FAM124A: variants seen among roughly 807,000 people sequenced by gnomAD.
FAM124A encodes protein FAM124A.
FAM124A carries 23 observed loss-of-function variants against 24.5 expected under a neutral mutation model. The ratio of observed to expected loss-of-function variants is 0.94; its 90% CI spans 0.68 to 1.33. The LOEUF (loss-of-function observed/expected upper bound fraction) is 1.33. FAM124A is among the 40% of genes most tolerant of loss of function. The pLI is 0.00. For missense variants in FAM124A, 623 were observed against 722.8 expected, an observed-to-expected ratio of 0.86 and a Z score of 1.58; for synonymous variants, 287 against 314.7, an observed-to-expected ratio of 0.91 and a Z score of 0.93.
intron 3 of FAM124A, among the ~76,000 whole-genome samples, chr13:51,257,906 T>C (rs1439380760): frequency 6.6e-6 from 1 of 152,244 alleles, no homozygotes; most frequent in Non-Finnish European, 1.5e-5. Context: ...TGTCTTGGTT[T>C]TAACATAGTA....
chr13:51,250,330 T>C (rs536237562), intron 2 of FAM124A, among the ~76,000 whole-genome samples: 1 of 152,340 alleles, frequency 6.6e-6, no homozygotes, highest in Non-Finnish European at 1.5e-5. Context: ...TAAAGGCAGA[T>C]CTAGATTCTA....
At chr13:51,253,270 A>T (rs1323042673) in intron 3 of FAM124A, 1 of 152,332 alleles carries the variant, frequency 6.6e-6, no homozygotes, top group East Asian at 1.9e-4. Flanking sequence ...CCAGAACTAT[A>T]ATCCACATAT....
intron 3 of FAM124A, among the ~76,000 whole-genome samples, chr13:51,277,664 C>T (rs998196973): frequency 2.6e-5 from 4 of 152,030 alleles, no homozygotes; most frequent in African/African-American, 4.8e-5. Flanking sequence ...TGTGGTGGCA[C>T]GTGCCTGTGG....
At chr13:51,249,259 C>G (rs1241434923) in intron 2 of FAM124A, among the ~76,000 whole-genome samples, 2 of 152,180 alleles carry the variant, frequency 1.3e-5, no homozygotes, top group Non-Finnish European at 2.9e-5. Context: ...AGCCCTCCTT[C>G]TTTTGTCATA....
intron 3 of FAM124A, among the ~76,000 whole-genome samples, chr13:51,256,107 CCTGCT>C (rs879583793): frequency 7.2e-5 from 11 of 152,318 alleles, no homozygotes; most frequent in African/African-American, 1.9e-4. Flanking sequence ...CTTTTGGAGG[CCTGCT>C]ACAGGAGTGC....
At chr13:51,269,429 C>T (rs1432455947) in intron 3 of FAM124A, among the ~76,000 whole-genome samples, 1 of 152,086 alleles carries the variant, frequency 6.6e-6, no homozygotes, top group African/African-American at 2.4e-5. Context: ...TAGATTTGTA[C>T]TTTTAAGTTG....
intron 2 of FAM124A, among the ~76,000 whole-genome samples, chr13:51,243,194 C>G (rs983052791): frequency 2.0e-5 from 3 of 152,156 alleles, no homozygotes; most frequent in African/African-American, 7.2e-5. Flanking sequence ...GGCCAACAGG[C>G]CTTGTCAAAA....
At chr13:51,235,485 ATTACTC>A (rs753858114) in intron 2 of FAM124A, among the ~76,000 whole-genome samples, 4 of 152,218 alleles carry the variant, frequency 2.6e-5, no homozygotes, top group Non-Finnish European at 4.4e-5. Context: ...TACTTAGAGA[ATTACTC>A]TTAGAAGGTA....
intron 3 of FAM124A, among the ~76,000 whole-genome samples, chr13:51,271,692 T>C (rs1954841823): frequency 6.6e-6 from 1 of 152,158 alleles, no homozygotes; most frequent in Non-Finnish European, 1.5e-5. Context: ...TCTGCTCTCA[T>C]TTCTGTTCCT....
Position 51,280,695 on chromosome 13 carries a change from C to G in FAM124A, c.1080C>G (p.Ser360Arg), listed in dbSNP as rs1288852762. The G allele has an allele frequency of 6.2e-7, 1 of 1,614,158 alleles. No homozygotes were observed. The highest frequency in any genetic ancestry group is 8.5e-7 in the Non-Finnish European group (1 of 1,180,034). ...ACCCTCCCTGGTCTTTCCAGAGAAG[C>G]AAGTCCTTGTTTTGTTTGCCCACGG... ...TPNPPWSFQR[S>R]KSLFCLPTGG... The change falls in exon 4 of 4, where the codon AGC (serine) becomes AGG (arginine). Residue 360 changes from serine to arginine, a missense_variant. Ser to Arg is a moderately radical substitution (Grantham distance 110). Coordinates refer to ENST00000322475, the MANE Select transcript of FAM124A (RefSeq NM_001242312.2).
chr13:51,273,606 A>G (rs1193636704), intron 3 of FAM124A, among the ~76,000 whole-genome samples: 1 of 152,150 alleles, frequency 6.6e-6, no homozygotes, highest in East Asian at 1.9e-4. Flanking sequence ...TCAGGCTAGA[A>G]TGCAGTAATT....
At chr13:51,234,805 G>A (rs1024318947) in intron 2 of FAM124A, among the ~76,000 whole-genome samples, 5 of 152,156 alleles carry the variant, frequency 3.3e-5, no homozygotes, top group African/African-American at 4.8e-5. Flanking sequence ...AGCAAGGGCC[G>A]GCCAGAATCA....
chr13:51,258,852 C>T lies in FAM124A; in HGVS notation c.834+6651C>T, dbSNP rs980010530. ...TACCACACACAGGTGGATGGGTTCA[C>T]GTGGCCGGGGTAGGAAGATGCCACG... On this transcript the variant is annotated intron_variant, in intron 3 of 3. Coordinates refer to ENST00000322475, the MANE Select transcript of FAM124A (RefSeq NM_001242312.2). This position sits in a 1 kb window ranked among gnomAD's most constrained non-coding sequence, Gnocchi z 4.2. 6.6e-6 allele frequency among the ~76,000 whole-genome samples: 1 copy of T among 152,204 alleles called. No individual in the cohort carries two copies. Among genetic ancestry groups the T allele is most frequent in the Non-Finnish European group, 1.5e-5 (1 of 68,026 alleles).
At chr13:51,265,188 T>A (rs1238053124) in intron 3 of FAM124A, among the ~76,000 whole-genome samples, 1 of 152,040 alleles carries the variant, frequency 6.6e-6, no homozygotes, top group East Asian at 1.9e-4. Flanking sequence ...TGGGGCTGAG[T>A]CTTCCCAGGT....
In FAM124A at chr13:51,280,652, G is replaced by A. The variant is rs772339972; in HGVS notation, c.1037G>A (p.Arg346Gln). 1.2e-5 allele frequency: 19 copies of A among 1,613,990 alleles called. No homozygotes were observed. Among genetic ancestry groups the A allele is most frequent in the South Asian group, 3.3e-5 (3 of 91,076 alleles). ...PPGHQQEFAG[R>Q]ANSTPNPPWS... ...GGGCACCAGCAGGAATTTGCCGGAC[G>A]AGCCAACAGCACCCCCAACCCTCCC... is the stretch of plus-strand genomic sequence containing the variant. The change falls in exon 4 of 4, where the codon CGA (arginine) becomes CAA (glutamine). Residue 346 changes from arginine (R) to glutamine (Q), a missense_variant. Arg to Gln is a conservative substitution (Grantham distance 43). Transcript: ENST00000322475.
chr13:51,229,500 T>C (rs750284058), intron 1 of FAM124A, among the ~76,000 whole-genome samples: 21 of 152,366 alleles, frequency 1.4e-4, no homozygotes, highest in Admixed American at 3.9e-4. Flanking sequence ...AATTTCATTC[T>C]ACATACATAT....
intron 2 of FAM124A, among the ~76,000 whole-genome samples, chr13:51,238,889 C>T (rs953496247): frequency 6.6e-6 from 1 of 152,210 alleles, no homozygotes; most frequent in Non-Finnish European, 1.5e-5. Flanking sequence ...GTATATGACA[C>T]AGACAACTCC....
chr13:51,274,585 C>A (rs1954868486), intron 3 of FAM124A, among the ~76,000 whole-genome samples: 1 of 151,974 alleles, frequency 6.6e-6, no homozygotes, highest in Non-Finnish European at 1.5e-5. Flanking sequence ...TATCAGAGTC[C>A]TCATAACTTT....
rs574293503 is a variant in FAM124A, at chr13:51,258,931, C to T, written c.834+6730C>T. Among the ~76,000 whole-genome samples the T allele has an allele frequency of 2.6e-5, 4 of 152,250 alleles. No homozygotes were observed. The highest frequency in any genetic ancestry group is 5.9e-5 in the Non-Finnish European group (4 of 68,008). ...AGCAGAGCTGGGGCAGATGCTGTTCCGGGGGCACTGGGGAGCCCCAGGGAG... is the reference window on the plus strand; with the variant it reads ...AGCAGAGCTGGGGCAGATGCTGTTCTGGGGGCACTGGGGAGCCCCAGGGAG... On this transcript the variant is annotated intron_variant, in intron 3 of 3. Coordinates refer to ENST00000322475, the MANE Select transcript of FAM124A (RefSeq NM_001242312.2). This position sits in a 1 kb window ranked among gnomAD's most constrained non-coding sequence, Gnocchi z 4.2.
Sources: gnomAD v4.1 joint callset for allele counts (sites outside exome capture counted in the v4.1 genomes callset) on GRCh38, gnomAD v4.1.1 for gene constraint, Gnocchi (gnomAD v3.1) non-coding constraint, MANE v1.5 for transcripts, NCBI Gene and HGNC (gene_info 2026-07-23, HGNC 2026-07-21) for gene names.